Variants in APTX observed in about 807,000 individuals in gnomAD.
APTX encodes the protein aprataxin, also known as forkhead-associated domain histidine triad-like protein.
APTX carries 33 observed loss-of-function variants against 42.3 expected under a neutral mutation model. The observed-to-expected ratio is 0.78, with a 90% CI of 0.59 to 1.04. The LOEUF (loss-of-function observed/expected upper bound fraction) is 1.04. Ranked by LOEUF, APTX falls within the 50% of genes least tolerant of loss-of-function variation. APTX has a pLI of 0.00. For missense variants in APTX, 421 were observed against 415.1 expected (o/e 1.01, Z -0.12); for synonymous variants, 130 against 146.7 (o/e 0.89, Z 0.82).
At chr9:33,000,159 C>G (rs1317477812) in intron 1 of APTX, among the ~76,000 whole-genome samples, 3 of 151,992 alleles carry the variant, frequency 2.0e-5, no homozygotes, top group African/African-American at 4.8e-5. Flanking sequence ...TTCATTCCCT[C>G]AAGTGTCAAG....
At chr9:32,976,891 A>G (rs912668064) in intron 6 of APTX, among the ~76,000 whole-genome samples, 2 of 152,264 alleles carry the variant, frequency 1.3e-5, no homozygotes, top group Non-Finnish European at 2.9e-5. Context: ...TGTGAACATA[A>G]TAATTAAAAT....
intron 1 of APTX, among the ~76,000 whole-genome samples, chr9:33,016,911 C>A (rs558753208): frequency 1.1e-4 from 17 of 152,260 alleles, no homozygotes; most frequent in Admixed American, 1.1e-3. Flanking sequence ...CAAATTCTGG[C>A]AAAATGCATA....
chr9:33,016,418 T>C (rs117883808), intron 1 of APTX, among the ~76,000 whole-genome samples: 2,546 of 152,252 alleles, frequency 0.017, 48 homozygotes, highest in Middle Eastern at 0.051. Flanking sequence ...AAATGAGCAA[T>C]CCAGTTTACA....
At chr9:32,991,280 C>T (rs1039032932) in intron 1 of APTX, among the ~76,000 whole-genome samples, 5 of 152,144 alleles carry the variant, frequency 3.3e-5, no homozygotes, top group East Asian at 3.8e-4. Context: ...ATACGCAACG[C>T]GCAAAACAAT....
intron 1 of APTX, chr9:33,024,681 G>A (rs1354380842): frequency 1.3e-5 from 2 of 152,268 alleles, no homozygotes; most frequent in East Asian, 1.9e-4. Context: ...ATGTGTCTAG[G>A]GGCCTGGACT....
intron 1 of APTX, chr9:33,024,883 C>G (rs1838743838): frequency 8.0e-6 from 1 of 125,292 alleles, no homozygotes; most frequent in East Asian, 2.7e-4. Flanking sequence ...GGGGGCAAGA[C>G]TGTTCCAAGA....
chr9:33,015,255 G>A (rs1029990717), intron 1 of APTX, among the ~76,000 whole-genome samples: 5 of 152,222 alleles, frequency 3.3e-5, no homozygotes, highest in African/African-American at 1.2e-4. Flanking sequence ...ATGCTATGAT[G>A]GAAGTGTGTA....
At chr9:33,018,138 A>C (rs1838051580) in intron 1 of APTX, among the ~76,000 whole-genome samples, 1 of 149,286 alleles carries the variant, frequency 6.7e-6, no homozygotes, top group African/African-American at 2.5e-5. Context: ...TTTTGAGACG[A>C]CTCACTCTGT....
rs555642583 is a variant in APTX, at chr9:33,009,656, G to A, written c.-5+15367C>T. 4.1e-4 allele frequency among the ~76,000 whole-genome samples: 63 copies of A among 152,144 alleles called. 1 individual carries two copies. The highest frequency in any genetic ancestry group is 1.4e-3 in the African/African-American group (58 of 41,510). On this transcript the variant is annotated intron_variant, in intron 1 of 6. Transcript: ENST00000436040. ...TAGCCGGGCACGGTGGTATGTGCCC[G>A]TGATCCCAGCTACTTGAGAGACTGA...
chr9:33,009,439 T>C (rs1308449244), intron 1 of APTX, among the ~76,000 whole-genome samples: 1 of 150,864 alleles, frequency 6.6e-6, no homozygotes, highest in Non-Finnish European at 1.5e-5. Flanking sequence ...TTCTGGAATG[T>C]TATTCTTTCT....
At chr9:32,992,939 T>C (rs142819429) in intron 1 of APTX, among the ~76,000 whole-genome samples, 2 of 152,344 alleles carry the variant, frequency 1.3e-5, no homozygotes, top group Non-Finnish European at 2.9e-5. Context: ...TTTTAAATGC[T>C]ATGCGTTCCA....
chr9:33,014,084 G>A (rs1837730161), intron 1 of APTX, among the ~76,000 whole-genome samples: 2 of 152,188 alleles, frequency 1.3e-5, no homozygotes, highest in Admixed American at 1.3e-4. Flanking sequence ...ATACCACTGT[G>A]GCTTGTGCCT....
upstream of APTX, among the ~76,000 whole-genome samples, chr9:33,002,828 C>T (rs1836785357): frequency 6.6e-6 from 1 of 152,172 alleles, no homozygotes; most frequent in Non-Finnish European, 1.5e-5. Context: ...GTATTGTTTC[C>T]TTCCATGGAA....
chr9:32,975,969 C>T (rs1829288811), intron 6 of APTX, among the ~76,000 whole-genome samples: 1 of 152,162 alleles, frequency 6.6e-6, no homozygotes, highest in South Asian at 2.1e-4. Flanking sequence ...TAGACTGCAG[C>T]AGTGGCCTGT....
At chr9:32,996,986 A>C (rs990498350) in intron 1 of APTX, among the ~76,000 whole-genome samples, 3 of 152,268 alleles carry the variant, frequency 2.0e-5, no homozygotes, top group African/African-American at 7.2e-5. Context: ...CATTCTGAGA[A>C]GAGAAAATTC....
chr9:33,019,713 C>A (rs1838212470), intron 1 of APTX: 3 of 527,628 alleles, frequency 5.7e-6, no homozygotes, highest in Non-Finnish European at 9.8e-6. Flanking sequence ...TAGCGGGAAA[C>A]TGGGGGCCCA....
At chr9:33,022,779 CAA>C (rs1652593314) in intron 1 of APTX, among the ~76,000 whole-genome samples, 1 of 152,164 alleles carries the variant, frequency 6.6e-6, no homozygotes, top group African/African-American at 2.4e-5. Context: ...AGACCACATA[CAA>C]AGTTATTGCC....
chr9:32,987,417 C>A, intron 4 of APTX, 127 bp downstream of exon 4: 2 of 1,321,914 alleles, frequency 1.5e-6, no homozygotes, highest in Non-Finnish European at 2.1e-6. Context: ...ACGCCACAAA[C>A]AAGTGACTCT....
intron 7 of APTX, among the ~76,000 whole-genome samples, chr9:32,974,107 C>T (rs1220749579): frequency 6.6e-6 from 1 of 152,096 alleles, no homozygotes; most frequent in Non-Finnish European, 1.5e-5. Context: ...GGAGGCAGCC[C>T]CAAAGCTCCC....
Sources: gnomAD v4.1 joint callset for allele counts (sites outside exome capture counted in the v4.1 genomes callset) on GRCh38, gnomAD v4.1.1 for gene constraint, MANE v1.5 for transcripts, NCBI Gene and HGNC (gene_info 2026-07-23, HGNC 2026-07-21) for gene names.